The following AKR1C8 variants were observed in gnomAD, a reference collection of about 807,000 sequenced individuals.
AKR1C8 encodes aldo-keto reductase family 1 member C-like protein 1.
the AKR1C8 span, among the ~76,000 whole-genome samples, chr10:5,179,747 T>C: frequency 1.3e-5 from 2 of 152,200 alleles, no homozygotes; most frequent in African/African-American, 4.8e-5. Context: ...CTGATATCCT[T>C]TCTTCCAGTT....
the AKR1C8 span, among the ~76,000 whole-genome samples, chr10:5,143,394 A>C: frequency 9.7e-4 from 148 of 152,240 alleles, no homozygotes; most frequent in South Asian, 2.1e-3. Flanking sequence ...GACTTTCACC[A>C]GTGGCCCTCA....
At chr10:5,119,122 G>C in the AKR1C8 span, among the ~76,000 whole-genome samples, 2 of 152,056 alleles carry the variant, frequency 1.3e-5, no homozygotes, top group Non-Finnish European at 2.9e-5. Flanking sequence ...TAAACTCAAG[G>C]CATTTACATT....
the AKR1C8 span, among the ~76,000 whole-genome samples, chr10:5,141,513 A>G: frequency 6.6e-6 from 1 of 152,162 alleles, no homozygotes; most frequent in Non-Finnish European, 1.5e-5. Context: ...ATTCATCAGA[A>G]GAATCATTAT....
chr10:5,147,853 A>T, the AKR1C8 span, among the ~76,000 whole-genome samples: 1 of 152,154 alleles, frequency 6.6e-6, no homozygotes, highest in Non-Finnish European at 1.5e-5. Flanking sequence ...TCCTGCTCCC[A>T]CATCTCCACT....
the AKR1C8 span, among the ~76,000 whole-genome samples, chr10:5,181,771 C>G: frequency 6.6e-6 from 1 of 152,264 alleles, no homozygotes; most frequent in East Asian, 1.9e-4. Context: ...AACCAAATTA[C>G]TTTGTCAATC....
chr10:5,158,504 T>G, the AKR1C8 span: 9 of 399,170 alleles, frequency 2.3e-5, no homozygotes, highest in South Asian at 1.8e-4. Flanking sequence ...TCTTTGAGCT[T>G]TTTTATAATA....
At chr10:5,164,516 G>T in the AKR1C8 span, among the ~76,000 whole-genome samples, 3 of 151,942 alleles carry the variant, frequency 2.0e-5, no homozygotes, top group Non-Finnish European at 2.9e-5. Flanking sequence ...TTATGGGAAG[G>T]GTTAGCAGGA....
At chr10:5,122,048 G>T in the AKR1C8 span, 12 of 254,536 alleles carry the variant, frequency 4.7e-5, no homozygotes, top group Non-Finnish European at 7.9e-5. Flanking sequence ...TGTGCATCCT[G>T]CAGAAAATGG....
chr10:5,168,777 A>G, the AKR1C8 span, among the ~76,000 whole-genome samples: 1 of 152,126 alleles, frequency 6.6e-6, no homozygotes, highest in African/African-American at 2.4e-5. Context: ...CCCAATAACA[A>G]GAGAGCCAAT....
the AKR1C8 span, chr10:5,155,851 GGCATTGGGGGAA>G: frequency 5.4e-6 from 2 of 368,328 alleles, no homozygotes; most frequent in Admixed American, 7.0e-5. Flanking sequence ...AGGCAAGGAT[GGCATTGGGGGAA>G]GCATTTTCAT....
the AKR1C8 span, chr10:5,158,680 G>T: frequency 6.1e-6 from 3 of 491,578 alleles, no homozygotes; most frequent in Non-Finnish European, 1.3e-5. Context: ...CCAGGAGTTT[G>T]CTCTGGTTGA....
the AKR1C8 span, among the ~76,000 whole-genome samples, chr10:5,171,364 T>C: frequency 6.6e-6 from 1 of 152,036 alleles, no homozygotes; most frequent in African/African-American, 2.4e-5. Flanking sequence ...AACATAACAA[T>C]TATAATTATT....
At chr10:5,151,557 G>GTTT in the AKR1C8 span, among the ~76,000 whole-genome samples, 16,215 of 132,482 alleles carry the variant, frequency 0.12, 1,238 homozygotes, top group Non-Finnish European at 0.16. Context: ...TTCCCTTTGG[G>GTTT]TTTTTTTTTT....
At chr10:5,124,867 A>C in the AKR1C8 span, among the ~76,000 whole-genome samples, 6 of 152,168 alleles carry the variant, frequency 3.9e-5, no homozygotes, top group African/African-American at 7.2e-5. Flanking sequence ...CATGCTGCCT[A>C]CTGCGGTGTA....
chr10:5,131,525 C>T, the AKR1C8 span, among the ~76,000 whole-genome samples: 397 of 151,812 alleles, frequency 2.6e-3, 1 homozygote, highest in African/African-American at 9.2e-3. Context: ...GCAAATGACA[C>T]GAATAGACAT....
chr10:5,147,332 G>A, the AKR1C8 span, among the ~76,000 whole-genome samples: 5 of 152,230 alleles, frequency 3.3e-5, no homozygotes, highest in East Asian at 7.8e-4. Context: ...ATATGGTTTA[G>A]AGGGTCAAAT....
the AKR1C8 span, among the ~76,000 whole-genome samples, chr10:5,139,452 G>C: frequency 0.011 from 1,607 of 152,182 alleles, 18 homozygotes; most frequent in African/African-American, 0.036. Flanking sequence ...CCAAAACAGA[G>C]ATATAGACCA....
the AKR1C8 span, among the ~76,000 whole-genome samples, chr10:5,129,789 C>T: frequency 6.6e-6 from 1 of 151,364 alleles, no homozygotes; most frequent in African/African-American, 2.4e-5. Flanking sequence ...AAATTGCCAA[C>T]AAAAAAAGCC....
chr10:5,164,321 T>C, the AKR1C8 span, among the ~76,000 whole-genome samples: 1 of 151,918 alleles, frequency 6.6e-6, no homozygotes, highest in African/African-American at 2.4e-5. Context: ...TCAGGCCCCC[T>C]CTCTACTATA....
Sources: allele counts gnomAD v4.1 joint callset (sites outside exome capture counted in the v4.1 genomes callset), GRCh38; gene constraint gnomAD v4.1.1; transcripts MANE v1.5; gene names NCBI Gene and HGNC (gene_info 2026-07-23, HGNC 2026-07-21).